Variants in ERAP1 observed in about 807,000 individuals in gnomAD.
ERAP1 encodes adipocyte-derived leucine aminopeptidase.
In ERAP1, 86 loss-of-function variants were observed where a neutral mutation model predicts 103.7. The observed-to-expected ratio is 0.83, with a 90% CI of 0.70 to 0.99. The LOEUF (loss-of-function observed/expected upper bound fraction) is 0.99. Ranked by LOEUF, ERAP1 falls within the 50% of genes least tolerant of loss-of-function variation. The pLI is 0.00. For synonymous variants in ERAP1, 398 were observed against 402.4 expected, an observed-to-expected ratio of 0.99 and a Z score of 0.13; for missense variants, 1,009 against 1,128.4, an observed-to-expected ratio of 0.89 and a Z score of 1.52.
At chr5:96,900,441 C>T in the ERAP1 span, among the ~76,000 whole-genome samples, 2 of 152,222 alleles carry the variant, frequency 1.3e-5, no homozygotes, top group East Asian at 1.9e-4. Context: ...AATATCTCAG[C>T]GCAAAATGTT....
At position 96,786,556 on chromosome 5, in the gene ERAP1, T is replaced by G. The variant is rs30379; in HGVS notation, c.1680-7A>C. ...TGGAACATGCCACAGGTACCTAAAA[T>G]AAAGGAGAGGTGGATTGTTCATTTG... On this transcript the variant is annotated splice_region_variant and splice_polypyrimidine_tract_variant and intron_variant, in intron 11 of 18. Coordinates refer to ENST00000443439, the MANE Select transcript of ERAP1 (RefSeq NM_001040458.3). 1,015,733 of 1,581,154 alleles carry G rather than the reference T, an allele frequency of 0.64. 328,368 individuals carry two copies. Among genetic ancestry groups the G allele is most frequent in the Non-Finnish European group, 0.66 (758,997 of 1,150,384 alleles).
chr5:96,837,324 CAA>C, the ERAP1 span, among the ~76,000 whole-genome samples: 1 of 152,150 alleles, frequency 6.6e-6, no homozygotes, highest in Non-Finnish European at 1.5e-5. Context: ...CATAGTTTTT[CAA>C]AGTTATTGTA....
the ERAP1 span, among the ~76,000 whole-genome samples, chr5:96,924,675 G>T: frequency 6.6e-6 from 1 of 151,184 alleles, no homozygotes; most frequent in African/African-American, 2.4e-5. Context: ...TCGGCTCACT[G>T]CAACCTCCAC....
In ERAP1 at chr5:96,807,896, G is replaced by A. The variant is rs1778838741; in HGVS notation, c.-54C>T. The A allele has an allele frequency of 2.2e-5, 22 of 986,238 alleles. 1 individual carries two copies. The South Asian group carries it at 8.4e-4, about 38-fold the overall frequency. 61.1% of individuals were successfully genotyped at this position (986,238 alleles called of 1,614,324 possible). On this transcript the variant is annotated 5_prime_UTR_variant, in exon 1 of 19. Transcript: ENST00000443439. ...GGGCCGCCCTCACCCTTGCGCCGCC[G>A]CCACCACCACTGCCGCCGGCCTAGC... is the stretch of plus-strand genomic sequence containing the variant.
chr5:96,813,943 C>T, the ERAP1 span: 2 of 176,442 alleles, frequency 1.1e-5, no homozygotes, highest in Non-Finnish European at 2.4e-5. Flanking sequence ...AGAAAATGGC[C>T]CATTTCCTTC....
chr5:96,926,788 G>T, the ERAP1 span, among the ~76,000 whole-genome samples: 1 of 152,062 alleles, frequency 6.6e-6, no homozygotes, highest in African/African-American at 2.4e-5. Flanking sequence ...GAATAATGCA[G>T]CTATGAACAT....
At chr5:96,896,689 TTTTC>T in the ERAP1 span, 1 of 1,528,604 alleles carries the variant, frequency 6.5e-7, no homozygotes, top group African/African-American at 1.4e-5. Context: ...CATACTACCA[TTTTC>T]TTTATCTCTT....
At position 96,775,963 on chromosome 5, in the gene ERAP1, C is replaced by T; in HGVS notation, c.*433G>A. 1 of 1,061,530 alleles carries T rather than the reference C, an allele frequency of 9.4e-7. No individual in the cohort carries two copies. Among genetic ancestry groups the T allele is most frequent in the Non-Finnish European group, 1.1e-6 (1 of 872,698 alleles). The allele number at this position is 1,061,530 out of a possible 1,614,324, so 65.8% of individuals were successfully genotyped here. On this transcript the variant is annotated 3_prime_UTR_variant, in exon 19 of 19. Transcript: ENST00000443439. ...GGTCTGGAGGGGTGAGCCGGGAGAG[C>T]TTTAACCCAGTCATCGTCCGGCTTA...
chr5:96,934,304 G>T, the ERAP1 span: 1 of 152,242 alleles, frequency 6.6e-6, no homozygotes, highest in Non-Finnish European at 1.5e-5. Context: ...TATTTTAGAT[G>T]TATGGTCAGA....
chr5:96,874,870 T>A, the ERAP1 span, among the ~76,000 whole-genome samples: 3 of 152,332 alleles, frequency 2.0e-5, no homozygotes, highest in East Asian at 5.8e-4. Flanking sequence ...TGCAACATGA[T>A]AAGAGCTAAG....
the ERAP1 span, among the ~76,000 whole-genome samples, chr5:96,874,637 G>A: frequency 6.6e-6 from 1 of 152,188 alleles, no homozygotes; most frequent in Non-Finnish European, 1.5e-5. Flanking sequence ...TCAGTCTTAT[G>A]TTTCGGGCCT....
At chr5:96,817,473 C>T in the ERAP1 span, among the ~76,000 whole-genome samples, 1 of 152,200 alleles carries the variant, frequency 6.6e-6, no homozygotes, top group Non-Finnish European at 1.5e-5. Context: ...AGATCAATGA[C>T]ATTTTAAAAA....
the ERAP1 span, among the ~76,000 whole-genome samples, chr5:96,857,144 T>C: frequency 6.6e-6 from 1 of 152,240 alleles, no homozygotes; most frequent in South Asian, 2.1e-4. Flanking sequence ...TGACCTCCAC[T>C]CTTTGCCAGG....
At chr5:96,800,052 C>T (rs1166566350) in intron 3 of ERAP1, among the ~76,000 whole-genome samples, 1 of 152,222 alleles carries the variant, frequency 6.6e-6, no homozygotes, top group African/African-American at 2.4e-5. Flanking sequence ...GTTCTTCCCT[C>T]AGGACTCTAG....
At chr5:96,879,892 C>G in the ERAP1 span, 3 of 1,614,138 alleles carry the variant, frequency 1.9e-6, no homozygotes, top group South Asian at 3.3e-5. Context: ...AGCTAAGGCT[C>G]CCCAGTGTGG....
chr5:96,805,373 T>C (rs1778487697), intron 1 of ERAP1, among the ~76,000 whole-genome samples: 1 of 143,092 alleles, frequency 7.0e-6, no homozygotes, highest in Middle Eastern at 3.6e-3. Flanking sequence ...AAAAAAAAAC[T>C]GTCCAGAGAT....
At chr5:96,808,836 G>A (rs145155604), upstream of ERAP1, among the ~76,000 whole-genome samples, 384 of 152,214 alleles carry the variant, frequency 2.5e-3, 6 homozygotes, top group Admixed American at 0.022. Flanking sequence ...ACCGAAAATG[G>A]GTCCCGATCC....
the ERAP1 span, among the ~76,000 whole-genome samples, chr5:96,842,443 A>T: frequency 6.6e-6 from 1 of 152,190 alleles, no homozygotes; most frequent in Non-Finnish European, 1.5e-5. Flanking sequence ...ATCCATGCCA[A>T]CATCTATCAT....
At chr5:96,782,622 T>C (rs987112234) in intron 15 of ERAP1, among the ~76,000 whole-genome samples, 4 of 152,166 alleles carry the variant, frequency 2.6e-5, no homozygotes, top group Admixed American at 1.3e-4. Flanking sequence ...AGGACTGAAG[T>C]GTAGCAAGAA....
Sources: allele counts gnomAD v4.1 joint callset (sites outside exome capture counted in the v4.1 genomes callset), GRCh38; gene constraint gnomAD v4.1.1; transcripts MANE v1.5; gene names NCBI Gene and HGNC (gene_info 2026-07-23, HGNC 2026-07-21).